The following PPP1R16B variants were observed in gnomAD, a reference collection of about 807,000 sequenced individuals.
The protein encoded by PPP1R16B is protein phosphatase 1 regulatory inhibitor subunit 16B.
Under a neutral mutation model 61.7 loss-of-function variants are expected in PPP1R16B, and 14 were observed. The observed-to-expected ratio is 0.23, with a 90% CI of 0.15 to 0.35. The LOEUF (loss-of-function observed/expected upper bound fraction) is 0.35, where lower values mean the gene tolerates loss of function less well. PPP1R16B is among the 10% of genes least tolerant of loss of function. The pLI is 1.00. For synonymous variants in PPP1R16B, 266 were observed against 305.3 expected, an observed-to-expected ratio of 0.87 and a Z score of 1.34; for missense variants, 547 against 752.5, an observed-to-expected ratio of 0.73 and a Z score of 3.19.
intron 2 of PPP1R16B, among the ~76,000 whole-genome samples, chr20:38,840,439 G>A (rs1291773716): frequency 6.6e-6 from 1 of 152,146 alleles, no homozygotes; most frequent in African/African-American, 2.4e-5. Context: ...ACCTGCCTGA[G>A]CCCCATGCTC....
rs1455700677 is a variant in PPP1R16B at position 38,835,949 on chromosome 20, G to A, written c.24G>A (p.Leu8=). The A allele has an allele frequency of 3.2e-6, 5 of 1,544,250 alleles. No individual in the cohort carries two copies. The highest frequency in any genetic ancestry group is 2.1e-4 in the Middle Eastern group (1 of 4,836). MASHVDL[L]TELQLLEKVP... ...CCATGGCCAGTCACGTGGACCTGCT[G>A]ACGGAGCTGCAGCTGCTGGAGAAGG... Residue 8 remains leucine, a synonymous_variant, in exon 2 of 11, where the codon CTG becomes CTA. Coordinates refer to ENST00000299824, the MANE Select transcript of PPP1R16B (RefSeq NM_015568.4).
chr20:38,916,227 C>T (rs1214406391), intron 10 of PPP1R16B, among the ~76,000 whole-genome samples: 1 of 150,766 alleles, frequency 6.6e-6, no homozygotes, highest in Admixed American at 6.6e-5. Flanking sequence ...GAAATACACA[C>T]TCATAAATGG....
chr20:38,809,439 A>G (rs367890515), intron 1 of PPP1R16B, among the ~76,000 whole-genome samples: 7 of 152,302 alleles, frequency 4.6e-5, no homozygotes, highest in South Asian at 2.1e-4. Flanking sequence ...GGCAGCTCTC[A>G]GAGTTCTCCC....
intron 7 of PPP1R16B, among the ~76,000 whole-genome samples, chr20:38,906,547 G>A (rs753499518): frequency 1.3e-5 from 2 of 152,000 alleles, no homozygotes; most frequent in Non-Finnish European, 2.9e-5. Context: ...TGCCTGCCTT[G>A]GCCTCCCAAA....
At chr20:38,869,188 T>C (rs941351635) in intron 2 of PPP1R16B, among the ~76,000 whole-genome samples, 1 of 152,092 alleles carries the variant, frequency 6.6e-6, no homozygotes, top group Admixed American at 6.6e-5. Flanking sequence ...TGAGACAGTC[T>C]TGACGTGTCA....
Position 38,806,179 on chromosome 20 carries a change from G to A in PPP1R16B, c.-102+387G>A, listed in dbSNP as rs2084659160. ...GCCGGGGGTGCAATGCCGGGCGGCG[G>A]GAGCCACAGCGGACACCAAACAACC... is the stretch of plus-strand genomic sequence containing the variant. On this transcript the variant is annotated intron_variant, in intron 1 of 10. Transcript: ENST00000299824. The surrounding 1 kb of genome is among the most constrained non-coding windows in gnomAD (Gnocchi z 4.5). Among the ~76,000 whole-genome samples the A allele has an allele frequency of 6.6e-6, 1 of 152,102 alleles. No individual in the cohort carries two copies. The highest frequency in any genetic ancestry group is 2.4e-5 in the African/African-American group (1 of 41,422).
rs138542212 is a variant in PPP1R16B at position 38,918,177 on chromosome 20, C to G, written c.1215C>G (p.Pro405=). 1.5e-5 allele frequency: 24 copies of G among 1,614,144 alleles called. No homozygotes were observed. The South Asian group carries it at 2.2e-4, about 15-fold the overall frequency. The stretch of plus-strand genomic sequence containing the variant: ...CGCAGAACCCCAGGCTGGAGAAGCC[C>G]GTGCTACTCTCCGAATTTCCTACCA... ...NKDPNPRLEK[P]VLLSEFPTKI... The change falls in exon 11 of 11, where the codon CCC becomes CCG. Residue 405 remains proline, a synonymous_variant. Transcript: ENST00000299824. This position sits in a 1 kb window ranked among gnomAD's most constrained non-coding sequence, Gnocchi z 5.3.
intron 1 of PPP1R16B, among the ~76,000 whole-genome samples, chr20:38,822,712 G>T (rs1364383221): frequency 1.3e-5 from 2 of 152,056 alleles, no homozygotes; most frequent in African/African-American, 4.8e-5. Context: ...AAATAAATAG[G>T]ATTTAAATTA....
chr20:38,840,238 G>A (rs2084901170), intron 2 of PPP1R16B, among the ~76,000 whole-genome samples: 3 of 152,330 alleles, frequency 2.0e-5, no homozygotes, highest in East Asian at 3.9e-4. Context: ...CTGCCGGGGT[G>A]TTAGCTCACA....
chr20:38,823,309 G>A (rs2084784148), intron 1 of PPP1R16B, among the ~76,000 whole-genome samples: 1 of 152,224 alleles, frequency 6.6e-6, no homozygotes, highest in Admixed American at 6.5e-5. Flanking sequence ...GCCAGTTGCT[G>A]TTGTGAATCT....
Position 38,898,501 on chromosome 20 carries a change from C to G in PPP1R16B, c.468-2080C>G, listed in dbSNP as rs565083381. 3.3e-5 allele frequency among the ~76,000 whole-genome samples: 5 copies of G among 152,196 alleles called. No individual in the cohort carries two copies. In the East Asian group the frequency reaches 5.8e-4, roughly 18 times the overall value. ...GATTCCCTATGAATTTTAGAGTAAG[C>G]TATTCTAGTCTGCAAAAAACATCAT... On this transcript the variant is annotated intron_variant, in intron 4 of 10. Transcript: ENST00000299824.
At chr20:38,827,838 GC>G (rs2084813966) in intron 1 of PPP1R16B, among the ~76,000 whole-genome samples, 1 of 152,152 alleles carries the variant, frequency 6.6e-6, no homozygotes, top group African/African-American at 2.4e-5. Context: ...TTGTGGGAGG[GC>G]GGGGGTGTAC....
chr20:38,809,985 G>GAAAAAAAAAAAAAAAAAA (rs11086731), intron 1 of PPP1R16B, among the ~76,000 whole-genome samples: 1 of 80,150 alleles, frequency 1.2e-5, no homozygotes, highest in Admixed American at 1.7e-4. Context: ...ACCTTGTTTC[G>GAAAAAAAAAAAAAAAAAA]AAAAAAAAAA....
Position 38,918,832 on chromosome 20 carries a change from G to A in PPP1R16B, c.*166G>A. On this transcript the variant is annotated 3_prime_UTR_variant, in exon 11 of 11. Transcript: ENST00000299824. The surrounding 1 kb of genome is among the most constrained non-coding windows in gnomAD (Gnocchi z 5.3). ...CAGCTGGCTGCCCATAGCATCCCAT[G>A]TCCCACGTCCCGTGGTTCTGCTTCC... The A allele has an allele frequency of 1.2e-6, 1 of 808,648 alleles. No individual in the cohort carries two copies. The highest frequency in any genetic ancestry group is 3.0e-5 in the East Asian group (1 of 32,886). 50.1% of individuals were successfully genotyped at this position (808,648 alleles called of 1,614,324 possible).
chr20:38,866,521 A>G (rs1378149737), intron 2 of PPP1R16B, among the ~76,000 whole-genome samples: 2 of 152,240 alleles, frequency 1.3e-5, no homozygotes, highest in Admixed American at 6.5e-5. Context: ...CTAGCCCTTC[A>G]GAAACGAACC....
chr20:38,902,770 T>C lies in PPP1R16B; in HGVS notation c.674T>C (p.Ile225Thr). The change falls in exon 6 of 11, where the codon ATA becomes ACA. Residue 225 changes from isoleucine (I) to threonine (T), a missense_variant. Ile to Thr is a moderately conservative substitution (Grantham distance 89). Coordinates refer to ENST00000299824, the MANE Select transcript of PPP1R16B (RefSeq NM_015568.4). ...GCAGCGGGCCAGGACCTGGACTGGA[T>C]AGATGCCCAGGGTGCCACACTGGTG... ...MIAAGQDLDW[I>T]DAQGATLLHI... 6.2e-7 allele frequency: 1 copy of C among 1,614,192 alleles called. No homozygotes were observed. Among genetic ancestry groups the C allele is most frequent in the Non-Finnish European group, 8.5e-7 (1 of 1,180,026 alleles).
rs577891403 is a variant in PPP1R16B, at chr20:38,904,085, G to A, written c.696+1293G>A. ...TGGGCTTCTCCCACCTGCTTCCTGA[G>A]CTCTCACATCTGTTTTATGCCCATT... On this transcript the variant is annotated intron_variant, in intron 6 of 10. Transcript: ENST00000299824. Among the ~76,000 whole-genome samples the A allele has an allele frequency of 5.4e-5, 8 of 147,900 alleles. No individual in the cohort carries two copies. The East Asian group carries it at 1.5e-3, about 28-fold the overall frequency.
At chr20:38,905,507 C>A (rs1375407054) in intron 6 of PPP1R16B, among the ~76,000 whole-genome samples, 2 of 152,136 alleles carry the variant, frequency 1.3e-5, no homozygotes, top group Non-Finnish European at 2.9e-5. Context: ...GCCTTTTATG[C>A]CCTAGCCTCA....
intron 2 of PPP1R16B, among the ~76,000 whole-genome samples, chr20:38,869,379 G>A (rs1404620444): frequency 1.3e-5 from 2 of 151,934 alleles, no homozygotes; most frequent in African/African-American, 4.8e-5. Context: ...AACTGGTCTC[G>A]AACTCCTGAC....
Sources: gnomAD v4.1 joint callset for allele counts (sites outside exome capture counted in the v4.1 genomes callset) on GRCh38, gnomAD v4.1.1 for gene constraint, Gnocchi (gnomAD v3.1) non-coding constraint, MANE v1.5 for transcripts, NCBI Gene and HGNC (gene_info 2026-07-23, HGNC 2026-07-21) for gene names.